CADPS: variants seen among roughly 807,000 people sequenced by gnomAD.
The protein encoded by CADPS is calcium dependent secretion activator.
A neutral mutation model predicts 167.3 loss-of-function variants in CADPS; 57 were observed. The observed-to-expected ratio is 0.34, with a 90% CI of 0.28 to 0.42. The LOEUF (loss-of-function observed/expected upper bound fraction) is 0.42. CADPS is among the 20% of genes least tolerant of loss of function. CADPS has a pLI of 1.00. For synonymous variants in CADPS, 676 were observed against 635.3 expected (o/e 1.06, Z -0.96); for missense variants, 1,414 against 1,738.1 (o/e 0.81, Z 3.32).
At chr3:62,770,032 C>T (rs2088170245) in intron 1 of CADPS, among the ~76,000 whole-genome samples, 1 of 152,200 alleles carries the variant, frequency 6.6e-6, no homozygotes, top group South Asian at 2.1e-4. Flanking sequence ...ATGACGTACC[C>T]TGACTTTGAC....
intron 17 of CADPS, 55 bp from the exon 18 acceptor site, chr3:62,499,323 G>A (rs773236819): frequency 9.1e-7 from 1 of 1,099,308 alleles, no homozygotes; most frequent in Non-Finnish European, 1.4e-6. Flanking sequence ...CTACTTTTAT[G>A]GCCATTAGAA....
intron 1 of CADPS, among the ~76,000 whole-genome samples, chr3:62,868,614 G>A (rs181877303): frequency 1.3e-5 from 2 of 152,168 alleles, no homozygotes; most frequent in African/African-American, 2.4e-5. Context: ...CAGCCCACAG[G>A]CCACAGTTTG....
intron 3 of CADPS, among the ~76,000 whole-genome samples, chr3:62,725,353 T>C (rs889909481): frequency 5.2e-4 from 79 of 152,240 alleles, no homozygotes; most frequent in Non-Finnish European, 1.5e-4. Context: ...ATGATTATGG[T>C]ACTGGACAGT....
At chr3:62,511,363 T>A (rs2067782339) in intron 17 of CADPS, among the ~76,000 whole-genome samples, 2 of 152,180 alleles carry the variant, frequency 1.3e-5, no homozygotes, top group Non-Finnish European at 2.9e-5. Flanking sequence ...CTGCCTGGGC[T>A]GACTCCAGCT....
intron 3 of CADPS, among the ~76,000 whole-genome samples, chr3:62,696,541 T>C (rs1383337537): frequency 3.3e-5 from 5 of 152,120 alleles, no homozygotes; most frequent in African/African-American, 1.2e-4. Context: ...TGTGTGCCTC[T>C]ACCCTCCCTT....
chr3:62,691,341 A>G (rs1306385699), intron 3 of CADPS, among the ~76,000 whole-genome samples: 1 of 152,010 alleles, frequency 6.6e-6, no homozygotes, highest in Non-Finnish European at 1.5e-5. Flanking sequence ...GGATAATGAT[A>G]TATCAGTGTA....
At chr3:62,403,787 G>A (rs573155438) in intron 28 of CADPS, 1 of 152,244 alleles carries the variant, frequency 6.6e-6, no homozygotes, top group South Asian at 2.1e-4. Flanking sequence ...GGCAGCTTAT[G>A]TGCCCTTATA....
intron 1 of CADPS, among the ~76,000 whole-genome samples, chr3:62,820,055 G>A (rs970752056): frequency 1.3e-5 from 2 of 151,740 alleles, no homozygotes; most frequent in African/African-American, 4.8e-5. Context: ...ATGCACACAC[G>A]ATACAAATAA....
At chr3:62,687,403 A>G (rs776310424) in intron 3 of CADPS, among the ~76,000 whole-genome samples, 38 of 152,126 alleles carry the variant, frequency 2.5e-4, no homozygotes, top group Non-Finnish European at 1.8e-4. Flanking sequence ...TCAAGTAGAA[A>G]TAATTTCTAT....
intron 1 of CADPS, among the ~76,000 whole-genome samples, chr3:62,869,238 T>A (rs2082215233): frequency 1.3e-5 from 2 of 152,102 alleles, no homozygotes; most frequent in African/African-American, 4.8e-5. Flanking sequence ...ATCATCTAGC[T>A]TTTTTCATTC....
intron 1 of CADPS, among the ~76,000 whole-genome samples, chr3:62,805,896 C>A (rs950472667): frequency 8.5e-5 from 13 of 152,132 alleles, no homozygotes; most frequent in Non-Finnish European, 1.5e-4. Context: ...AACCACAGTT[C>A]TTGTTCAGTG....
At chr3:62,695,298 T>C (rs1252158681) in intron 3 of CADPS, among the ~76,000 whole-genome samples, 1 of 152,058 alleles carries the variant, frequency 6.6e-6, no homozygotes, top group Non-Finnish European at 1.5e-5. Flanking sequence ...CAAATATGCA[T>C]ATGAAGGAAA....
rs944925476 is a variant in CADPS at position 62,796,243 on chromosome 3, C to T, written c.442-30259G>A. The T allele has an allele frequency of 2.6e-5, 4 of 152,196 alleles. No individual in the cohort carries two copies. In the East Asian group the frequency reaches 5.8e-4, roughly 22 times the overall value. The allele number at this position is 152,196 out of a possible 1,614,324, so 9.4% of individuals were successfully genotyped here. A position where few individuals can be genotyped will look rare whatever the true frequency, so the allele number is the denominator to read the frequency against. On this transcript the variant is annotated intron_variant, in intron 1 of 29. Transcript: ENST00000383710. ...TGTTTCTGATCTGGGTCAATTCATC[C>T]CTCCTTAGGCAACCTGGTGGTCCCT...
At position 62,421,567 on chromosome 3, in the gene CADPS, A is replaced by G. The variant is rs1186697697; in HGVS notation, c.3777+16537T>C. The stretch of plus-strand genomic sequence containing the variant: ...TATCCCACTTTCTATAAGGAACAAC[A>G]TGTTATAGACAGTAGTCTTGCTAGA... On this transcript the variant is annotated intron_variant, in intron 28 of 29. Transcript: ENST00000383710. The surrounding 1 kb of genome is among the most constrained non-coding windows in gnomAD (Gnocchi z 4.7). 6.6e-6 allele frequency among the ~76,000 whole-genome samples: 1 copy of G among 152,196 alleles called. No individual in the cohort carries two copies.
At chr3:62,464,869 C>T (rs1279689849) in intron 26 of CADPS, among the ~76,000 whole-genome samples, 1 of 151,896 alleles carries the variant, frequency 6.6e-6, no homozygotes, top group Non-Finnish European at 1.5e-5. Flanking sequence ...TATGCAGGCA[C>T]CCCCAGAAAT....
chr3:62,613,811 A>G (rs1449506038), intron 6 of CADPS, among the ~76,000 whole-genome samples: 1 of 152,174 alleles, frequency 6.6e-6, no homozygotes, highest in East Asian at 1.9e-4. Flanking sequence ...AATCAGACCA[A>G]TTAAGAGGCT....
At chr3:62,513,660 G>A (rs1426962622) in intron 16 of CADPS, 1 of 1,594,206 alleles carries the variant, frequency 6.3e-7, no homozygotes, top group Non-Finnish European at 8.6e-7. Context: ...CCATCACTTG[G>A]GAGGCCAAGC....
chr3:62,587,754 C>A (rs2084965633), intron 7 of CADPS, among the ~76,000 whole-genome samples: 1 of 152,196 alleles, frequency 6.6e-6, no homozygotes, highest in Non-Finnish European at 1.5e-5. Flanking sequence ...GGCTATGCCA[C>A]AAAGACTTTG....
At chr3:62,853,355 T>G (rs2079002590) in intron 1 of CADPS, among the ~76,000 whole-genome samples, 2 of 152,092 alleles carry the variant, frequency 1.3e-5, no homozygotes, top group Admixed American at 6.6e-5. Flanking sequence ...CCAGGTGTGG[T>G]GGCTCACACC....
Sources: gnomAD v4.1 joint callset for allele counts (sites outside exome capture counted in the v4.1 genomes callset) on GRCh38, gnomAD v4.1.1 for gene constraint, Gnocchi (gnomAD v3.1) non-coding constraint, MANE v1.5 for transcripts, NCBI Gene and HGNC (gene_info 2026-07-23, HGNC 2026-07-21) for gene names.